The following ALAS1 variants were observed in gnomAD, a reference collection of about 807,000 sequenced individuals.
ALAS1 encodes the protein 5-aminolevulinate synthase, non-specific, mitochondrial.
In ALAS1, 29 loss-of-function variants were observed where a neutral mutation model predicts 59.6. The ratio of observed to expected loss-of-function variants is 0.49; its 90% CI spans 0.36 to 0.66. The LOEUF (loss-of-function observed/expected upper bound fraction) is 0.66, where lower values mean the gene tolerates loss of function less well. Ranked by LOEUF, ALAS1 falls within the 30% of genes least tolerant of loss-of-function variation. The pLI is 0.00. For missense variants in ALAS1, 690 were observed against 807.5 expected, an observed-to-expected ratio of 0.85 and a Z score of 1.76; for synonymous variants, 299 against 296.6, an observed-to-expected ratio of 1.01 and a Z score of -0.08.
At position 52,204,832 on chromosome 3, in the gene ALAS1, CAT is replaced by C; in HGVS notation, c.718_719del (p.Ile240HisfsTer11). The C allele has an allele frequency of 6.2e-7, 1 of 1,614,206 alleles. No homozygotes were observed. The highest frequency in any genetic ancestry group is 8.5e-7 in the Non-Finnish European group (1 of 1,180,032). ...PMADDYSDSL[I>X]TKKQVSVWCS... is the part of the protein sequence containing the mutation. ...TGGCAGATGACTATTCAGACTCCCT[CAT>C]CACCAAAAAGCAAGTGTCAGTCTGG... is the stretch of plus-strand genomic sequence containing the variant. On this transcript the variant is annotated frameshift_variant, in exon 6 of 12. Transcript: ENST00000484952. LOFTEE classifies it high-confidence loss of function.
At chr3:52,211,690 G>C (rs1385242521) in intron 10 of ALAS1, 139 bp downstream of exon 10, 1 of 1,271,762 alleles carries the variant, frequency 7.9e-7, no homozygotes, top group East Asian at 2.4e-5. Context: ...GCCACCCTCT[G>C]TCATGTTTCC....
chr3:52,212,681 G>A (rs959109520), intron 11 of ALAS1, among the ~76,000 whole-genome samples: 1 of 151,982 alleles, frequency 6.6e-6, no homozygotes, highest in Non-Finnish European at 1.5e-5. Context: ...ACAGCCATGC[G>A]CCACCACGCC....
intron 4 of ALAS1, 94 bp downstream of exon 4, chr3:52,202,828 G>C (rs1482833045): frequency 2.5e-6 from 3 of 1,201,764 alleles, no homozygotes; most frequent in South Asian, 1.3e-5. Flanking sequence ...TATTAGGGCA[G>C]TATTTATGGA....
At chr3:52,207,285 G>A (rs1465334353) in intron 8 of ALAS1, among the ~76,000 whole-genome samples, 1 of 152,100 alleles carries the variant, frequency 6.6e-6, no homozygotes, top group Admixed American at 6.5e-5. Flanking sequence ...TTACAGGTGT[G>A]AGCCACCGCA....
Position 52,206,588 on chromosome 3 carries a change from T to C in ALAS1, c.1002T>C (p.Ser334=), listed in dbSNP as rs771938573. ...TTGTCTTAGGCTGTGAGATTTACTC[T>C]GATTCTGGGAACCATGCCTCCATGA... The part of the protein sequence containing the change: ...AKMMPGCEIY[S]DSGNHASMIQ... The change falls in exon 8 of 12, where the codon TCT becomes TCC. Residue 334 remains serine (S), a synonymous_variant. Transcript: ENST00000484952. 41 of 1,614,108 alleles carry C rather than the reference T, an allele frequency of 2.5e-5. No homozygotes were observed. Among genetic ancestry groups the C allele is most frequent in the Middle Eastern group, 1.6e-4 (1 of 6,084 alleles).
intron 5 of ALAS1, 120 bp from the exon 6 acceptor site, chr3:52,204,573 G>A: frequency 1.4e-6 from 1 of 740,736 alleles, no homozygotes; most frequent in Non-Finnish European, 2.2e-6. Flanking sequence ...ACAAGATGAG[G>A]ACATCAAATA....
intron 11 of ALAS1, among the ~76,000 whole-genome samples, chr3:52,213,758 C>T (rs761465871): frequency 1.6e-4 from 25 of 152,208 alleles, no homozygotes; most frequent in Admixed American, 2.6e-4. Context: ...CTGCCTTCTT[C>T]CAGCATCATG....
At chr3:52,200,253 A>T (rs1699161119) in intron 3 of ALAS1, among the ~76,000 whole-genome samples, 1 of 152,144 alleles carries the variant, frequency 6.6e-6, no homozygotes, top group Non-Finnish European at 1.5e-5. Flanking sequence ...TTGTGTCACC[A>T]CCACCATCCA....
chr3:52,201,013 T>G (rs1699176179), intron 3 of ALAS1, among the ~76,000 whole-genome samples: 2 of 152,322 alleles, frequency 1.3e-5, no homozygotes, highest in African/African-American at 4.8e-5. Flanking sequence ...TTTCTAGACT[T>G]TAATGAATAT....
intron 3 of ALAS1, among the ~76,000 whole-genome samples, chr3:52,200,233 A>C (rs981153788): frequency 1.7e-4 from 26 of 152,098 alleles, no homozygotes; most frequent in African/African-American, 6.3e-4. Context: ...TCAGTGGTAC[A>C]TTCATATTGT....
chr3:52,199,457 A>G lies in ALAS1; in HGVS notation c.199+17A>G. ...CCAGTGAGAGTAAGTGTCATTGACA[A>G]TGAAGGAGCAGGTATGGGTGTTTGT... On this transcript the variant is annotated intron_variant, in intron 3 of 11. Coordinates refer to ENST00000484952, the MANE Select transcript of ALAS1 (RefSeq NM_000688.6). 1 of 1,609,248 alleles carries G rather than the reference A, an allele frequency of 6.2e-7. No individual in the cohort carries two copies. The highest frequency in any genetic ancestry group is 8.5e-7 in the Non-Finnish European group (1 of 1,176,664).
chr3:52,206,858 C>T (rs371792082), intron 8 of ALAS1, 107 bp downstream of exon 8: 96 of 1,207,432 alleles, frequency 8.0e-5, no homozygotes, highest in African/African-American at 6.9e-4. Flanking sequence ...TTTTTGTGAC[C>T]GATCCTCGCT....
At chr3:52,212,680 C>G (rs1033430974) in intron 11 of ALAS1, among the ~76,000 whole-genome samples, 1 of 152,046 alleles carries the variant, frequency 6.6e-6, no homozygotes, top group African/African-American at 2.4e-5. Context: ...TACAGCCATG[C>G]GCCACCACGC....
At chr3:52,201,603 A>G (rs571238246) in intron 3 of ALAS1, among the ~76,000 whole-genome samples, 5 of 152,276 alleles carry the variant, frequency 3.3e-5, no homozygotes, top group African/African-American at 1.2e-4. Flanking sequence ...AATAAAAAAT[A>G]AAAAGAATTA....
chr3:52,199,445 G>A lies in ALAS1; in HGVS notation c.199+5G>A. ...AAACCCCTCCGGCCAGTGAGAGTAA[G>A]TGTCATTGACAATGAAGGAGCAGGT... On this transcript the variant is annotated splice_donor_5th_base_variant and intron_variant, in intron 3 of 11. Coordinates refer to ENST00000484952, the MANE Select transcript of ALAS1 (RefSeq NM_000688.6). The A allele has an allele frequency of 6.2e-7, 1 of 1,612,500 alleles. No individual in the cohort carries two copies. Among genetic ancestry groups the A allele is most frequent in the Non-Finnish European group, 8.5e-7 (1 of 1,178,964 alleles).
At chr3:52,204,191 G>T (rs1346760619) in intron 5 of ALAS1, among the ~76,000 whole-genome samples, 179 bp downstream of exon 5, 2 of 152,154 alleles carry the variant, frequency 1.3e-5, no homozygotes, top group Non-Finnish European at 2.9e-5. Context: ...GGCCAGCCTT[G>T]GCAACATAGC....
chr3:52,211,630 C>T (rs1416588230), intron 10 of ALAS1, 79 bp downstream of exon 10: 2 of 1,562,024 alleles, frequency 1.3e-6, no homozygotes, highest in Non-Finnish European at 1.7e-6. Context: ...TTCATACCTT[C>T]CTGAAGTTGG....
chr3:52,205,779 T>A (rs761862251), intron 6 of ALAS1, 60 bp from the exon 7 acceptor site: 67 of 1,494,590 alleles, frequency 4.5e-5, no homozygotes, highest in Non-Finnish European at 6.0e-5. Flanking sequence ...GGGGAAAAAA[T>A]TCACATGGTG....
At chr3:52,213,930 C>T in intron 11 of ALAS1, 90 bp from the exon 12 acceptor site, 1 of 1,213,890 alleles carries the variant, frequency 8.2e-7, no homozygotes, top group African/African-American at 1.5e-5. Context: ...CTGCTATGAA[C>T]ATTTGTGTAC....
Sources: gnomAD v4.1 joint callset for allele counts (sites outside exome capture counted in the v4.1 genomes callset) on GRCh38, gnomAD v4.1.1 for gene constraint, MANE v1.5 for transcripts, NCBI Gene and HGNC (gene_info 2026-07-23, HGNC 2026-07-21) for gene names.